Variants in FGD5 observed in about 807,000 individuals in gnomAD.
FGD5 encodes the protein FYVE, RhoGEF and PH domain-containing protein 5.
FGD5 carries 28 observed loss-of-function variants against 133.4 expected under a neutral mutation model. The ratio of observed to expected loss-of-function variants is 0.21; its 90% CI spans 0.16 to 0.29. FGD5 has a LOEUF of 0.29. Ranked by LOEUF, FGD5 falls within the 10% of genes least tolerant of loss-of-function variation. FGD5 has a pLI of 1.00. For missense variants in FGD5, 1,858 were observed against 1,895.2 expected, an observed-to-expected ratio of 0.98 and a Z score of 0.36; for synonymous variants, 810 against 776.5, an observed-to-expected ratio of 1.04 and a Z score of -0.72.
chr3:14,843,727 G>T (rs2036971669), intron 1 of FGD5, among the ~76,000 whole-genome samples: 1 of 121,158 alleles, frequency 8.3e-6, no homozygotes, highest in Non-Finnish European at 1.6e-5. Context: ...GTCTCATTCT[G>T]TCGCCCAGGC....
rs2038794651 is a variant in FGD5 at position 14,925,938 on chromosome 3, T to C, written c.4069-132T>C. ...GCTGACTTTGGTACTGGATAGATCC[T>C]GAGACCTTATCCAGTGTCAAAGCAG... On this transcript the variant is annotated intron_variant, in intron 17 of 19. Coordinates refer to ENST00000285046, the MANE Select transcript of FGD5 (RefSeq NM_152536.4). 4.1e-6 allele frequency: 5 copies of C among 1,231,388 alleles called. No homozygotes were observed. The South Asian group carries it at 7.2e-5, about 18-fold the overall frequency. The allele number at this position is 1,231,388 out of a possible 1,614,324, so 76.3% of individuals were successfully genotyped here. A position where few individuals can be genotyped will look rare whatever the true frequency, so the allele number is the denominator to read the frequency against.
At chr3:14,825,236 C>A (rs575087365) in intron 1 of FGD5, among the ~76,000 whole-genome samples, 1 of 152,170 alleles carries the variant, frequency 6.6e-6, no homozygotes, top group East Asian at 1.9e-4. Context: ...TGTTAACAGT[C>A]TTTTATAAAT....
At chr3:14,891,177 T>G (rs925241402) in intron 4 of FGD5, among the ~76,000 whole-genome samples, 3 of 152,124 alleles carry the variant, frequency 2.0e-5, no homozygotes, top group African/African-American at 7.2e-5. Context: ...GTCCTAAATA[T>G]GGAGACTCAC....
intron 4 of FGD5, among the ~76,000 whole-genome samples, chr3:14,889,731 G>A (rs2037989676): frequency 6.6e-6 from 1 of 152,108 alleles, no homozygotes; most frequent in African/African-American, 2.4e-5. Context: ...TGTACTTGTG[G>A]CCATTCTGCT....
chr3:14,933,433 C>A lies in FGD5; in HGVS notation c.*266C>A. ...CACCCAGTAATAAACTATTTCCTTACCCCGCAGTGAGTTAAAATTTAGTAA... is the reference window on the plus strand; with the variant it reads ...CACCCAGTAATAAACTATTTCCTTAACCCGCAGTGAGTTAAAATTTAGTAA... On this transcript the variant is annotated 3_prime_UTR_variant, in exon 20 of 20. Transcript: ENST00000285046. The A allele has an allele frequency of 2.2e-6, 1 of 449,632 alleles. No homozygotes were observed. The highest frequency in any genetic ancestry group is 4.0e-6 in the Non-Finnish European group (1 of 249,038). The allele number at this position is 449,632 out of a possible 1,614,324, so 27.9% of individuals were successfully genotyped here.
intron 4 of FGD5, among the ~76,000 whole-genome samples, chr3:14,893,537 G>A (rs924569392): frequency 6.6e-6 from 1 of 151,992 alleles, no homozygotes; most frequent in East Asian, 1.9e-4. Flanking sequence ...TTGTAAAGAC[G>A]GAGTCTCAAT....
At chr3:14,834,416 C>A (rs2036775543) in intron 1 of FGD5, among the ~76,000 whole-genome samples, 3 of 152,176 alleles carry the variant, frequency 2.0e-5, no homozygotes, top group Admixed American at 2.0e-4. Context: ...TGAGTTAATG[C>A]TTGCAAAGAA....
chr3:14,879,319 G>A (rs1289442658), intron 2 of FGD5, among the ~76,000 whole-genome samples: 2 of 152,214 alleles, frequency 1.3e-5, no homozygotes, highest in East Asian at 1.9e-4. Context: ...TCATCAGGCC[G>A]CCACAGCGTG....
chr3:14,838,164 C>T (rs1484331665), intron 1 of FGD5, among the ~76,000 whole-genome samples: 3 of 152,178 alleles, frequency 2.0e-5, no homozygotes, highest in African/African-American at 4.8e-5. Context: ...TTGGCTGTCA[C>T]GGGGCTGATC....
chr3:14,899,825 T>G (rs2125134068), intron 7 of FGD5, among the ~76,000 whole-genome samples: 2 of 152,314 alleles, frequency 1.3e-5, no homozygotes, highest in East Asian at 3.9e-4. Context: ...GGAAGACCTC[T>G]CTGAGGAGGC....
At chr3:14,811,963 A>G (rs2036300249) in intron 1 of FGD5, among the ~76,000 whole-genome samples, 1 of 151,758 alleles carries the variant, frequency 6.6e-6, no homozygotes, top group Non-Finnish European at 1.5e-5. Flanking sequence ...AAGAAACAGG[A>G]AGCCACCATT....
At chr3:14,816,677 T>G (rs193087799), upstream of FGD5, among the ~76,000 whole-genome samples, 108 of 152,346 alleles carry the variant, frequency 7.1e-4, no homozygotes, top group Middle Eastern at 3.4e-3. Context: ...AGCTCCCATG[T>G]TTTGTTTTTC....
intron 19 of FGD5, 133 bp downstream of exon 19, chr3:14,932,864 G>T: frequency 9.3e-7 from 1 of 1,070,284 alleles, no homozygotes; most frequent in Non-Finnish European, 1.4e-6. Context: ...TAGCAGAACT[G>T]CAGAACTACC....
chr3:14,881,766 A>G (rs922812889), intron 4 of FGD5, among the ~76,000 whole-genome samples: 2 of 152,202 alleles, frequency 1.3e-5, no homozygotes, highest in African/African-American at 2.4e-5. Flanking sequence ...AGAGGAGGTG[A>G]CATGGCCCAA....
At chr3:14,818,860 C>T (rs982377763), upstream of FGD5, 20 of 1,321,598 alleles carry the variant, frequency 1.5e-5, no homozygotes, top group South Asian at 1.8e-4. Flanking sequence ...TGGACGGAAC[C>T]ATCTGTGGCG....
chr3:14,878,608 T>C (rs1308995606), intron 2 of FGD5, among the ~76,000 whole-genome samples: 1 of 152,152 alleles, frequency 6.6e-6, no homozygotes, highest in Admixed American at 6.5e-5. Context: ...GTGTGCTGGA[T>C]ACTATTCTCC....
chr3:14,907,686 A>G lies in FGD5; in HGVS notation c.3311A>G (p.Gln1104Arg), dbSNP rs890744975. The change falls in exon 10 of 20, where the codon CAA becomes CGA. Residue 1104 changes from glutamine to arginine, a missense_variant. Around this residue, in one of 3 missense-constraint regions of FGD5, gnomAD observed 1,824 missense variants for 1,848.9 expected, o/e 0.99. Coordinates refer to ENST00000285046, the MANE Select transcript of FGD5 (RefSeq NM_152536.4). The stretch of plus-strand genomic sequence containing the variant: ...CACATTGAGCACAGCGTCCGGGGCC[A>G]AGGGGATCTCCTCCAGCCAGGAAGG... Reference protein sequence around the residue: ...LVHIEHSVRGQGDLLQPGREF... With the variant: ...LVHIEHSVRGRGDLLQPGREF... 6.2e-7 allele frequency: 1 copy of G among 1,613,630 alleles called. No homozygotes were observed.
chr3:14,924,162 G>C, intron 17 of FGD5, 24 bp downstream of exon 17: 2 of 1,613,838 alleles, frequency 1.2e-6, no homozygotes, highest in Non-Finnish European at 1.7e-6. Context: ...GGCTACCCAA[G>C]TGGGAAGTAG....
intron 2 of FGD5, among the ~76,000 whole-genome samples, chr3:14,869,685 C>A (rs1053295786): frequency 4.6e-5 from 7 of 152,214 alleles, no homozygotes; most frequent in African/African-American, 1.7e-4. Context: ...TGAGTGGAAT[C>A]CTACAGTATT....
Sources: gnomAD v4.1 joint callset for allele counts (sites outside exome capture counted in the v4.1 genomes callset) on GRCh38, gnomAD v4.1.1 for gene constraint, gnomAD v4.1.1 regional missense constraint, MANE v1.5 for transcripts, NCBI Gene and HGNC (gene_info 2026-07-23, HGNC 2026-07-21) for gene names.